The following SGCG variants were observed in gnomAD, a reference collection of about 807,000 sequenced individuals.
The protein encoded by SGCG is sarcoglycan gamma, also known as gamma-sarcoglycan.
A neutral mutation model predicts 29.3 loss-of-function variants in SGCG; 26 were observed. That is an observed-to-expected ratio of 0.89 (90% CI 0.65 to 1.23). The LOEUF (loss-of-function observed/expected upper bound fraction) is 1.23. SGCG is among the 50% of genes most tolerant of loss of function. The pLI, the probability that SGCG is intolerant of heterozygous loss-of-function variation, is 0.00. For missense variants in SGCG, 353 were observed against 356.0 expected, an observed-to-expected ratio of 0.99 and a Z score of 0.07; for synonymous variants, 145 against 129.7, an observed-to-expected ratio of 1.12 and a Z score of -0.80.
intron 5 of SGCG, among the ~76,000 whole-genome samples, chr13:23,290,041 C>G (rs1202462405): frequency 2.0e-5 from 3 of 152,152 alleles, no homozygotes; most frequent in Admixed American, 2.0e-4. Flanking sequence ...GATCTGACAG[C>G]TACAGACTTG....
intron 3 of SGCG, among the ~76,000 whole-genome samples, chr13:23,237,104 A>G (rs1031197527): frequency 6.6e-6 from 1 of 152,142 alleles, no homozygotes. Flanking sequence ...AGCTGAGAGA[A>G]TTTCTTCTTT....
At chr13:23,223,890 C>T (rs1022770735) in intron 2 of SGCG, among the ~76,000 whole-genome samples, 5 of 151,964 alleles carry the variant, frequency 3.3e-5, no homozygotes, top group Non-Finnish European at 7.4e-5. Flanking sequence ...CGCTTGAACC[C>T]GGGAGGTGGA....
At chr13:23,300,838 G>A (rs901459274) in intron 6 of SGCG, among the ~76,000 whole-genome samples, 46 of 148,336 alleles carry the variant, frequency 3.1e-4, no homozygotes, top group Admixed American at 2.7e-4. Flanking sequence ...AAAAAGGGCC[G>A]GGCGCGGTGG....
intron 6 of SGCG, among the ~76,000 whole-genome samples, chr13:23,303,295 CT>C (rs1261431785): frequency 2.0e-5 from 3 of 152,334 alleles, no homozygotes; most frequent in South Asian, 2.1e-4. Context: ...TCTTCTGCCC[CT>C]GATGAAGTAA....
chr13:23,273,219 G>A (rs1880934970), intron 4 of SGCG, among the ~76,000 whole-genome samples: 1 of 147,836 alleles, frequency 6.8e-6, no homozygotes, highest in Non-Finnish European at 1.5e-5. Flanking sequence ...AATTTTCGCT[G>A]TGTTGCCCAG....
At chr13:23,244,674 A>G (rs1438900667) in intron 3 of SGCG, 2 of 152,144 alleles carry the variant, frequency 1.3e-5, no homozygotes, top group East Asian at 3.8e-4. Flanking sequence ...CCTTAACAAT[A>G]TGATTCAGGT....
At chr13:23,165,206 A>G in the SGCG span, among the ~76,000 whole-genome samples, 3 of 152,222 alleles carry the variant, frequency 2.0e-5, no homozygotes, top group Non-Finnish European at 4.4e-5. Context: ...TTTTAATTTC[A>G]TATTTGTAGA....
At chr13:23,243,509 CCT>C (rs1285753742) in intron 3 of SGCG, 2 of 152,204 alleles carry the variant, frequency 1.3e-5, no homozygotes, top group South Asian at 2.1e-4. Flanking sequence ...GCAGGCAACC[CCT>C]GTCGTGGAAA....
chr13:23,195,383 A>G (rs573252824), intron 1 of SGCG, among the ~76,000 whole-genome samples: 33 of 152,338 alleles, frequency 2.2e-4, no homozygotes, highest in African/African-American at 7.5e-4. Flanking sequence ...TAGCTGAAGT[A>G]AAAATCAAAA....
intron 2 of SGCG, among the ~76,000 whole-genome samples, chr13:23,208,924 C>A (rs1274217817): frequency 6.6e-6 from 1 of 151,828 alleles, no homozygotes; most frequent in Non-Finnish European, 1.5e-5. Context: ...TAAAATAAGA[C>A]ATCTTTAATT....
At chr13:23,201,046 A>AG (rs1303127595) in intron 1 of SGCG, among the ~76,000 whole-genome samples, 2 of 152,174 alleles carry the variant, frequency 1.3e-5, no homozygotes, top group African/African-American at 4.8e-5. Flanking sequence ...ATGTTTTGAA[A>AG]GGACCACTCC....
intron 6 of SGCG, among the ~76,000 whole-genome samples, chr13:23,304,829 A>T (rs182099015): frequency 1.7e-4 from 26 of 152,256 alleles, no homozygotes; most frequent in Non-Finnish European, 3.7e-4. Context: ...GGGTTTTGCC[A>T]TGTTGGCCAG....
At chr13:23,298,170 A>G (rs1028111600) in intron 6 of SGCG, among the ~76,000 whole-genome samples, 1 of 151,914 alleles carries the variant, frequency 6.6e-6, no homozygotes, top group South Asian at 2.1e-4. Context: ...ACCCTGGCCA[A>G]TGTGATGAAA....
chr13:23,241,207 C>T (rs1879498698), intron 3 of SGCG, among the ~76,000 whole-genome samples: 1 of 147,662 alleles, frequency 6.8e-6, no homozygotes. Context: ...CCTTAAGAAA[C>T]TAGAAGAAGA....
chr13:23,307,265 C>CTT (rs1273245669), intron 6 of SGCG, among the ~76,000 whole-genome samples: 4 of 152,282 alleles, frequency 2.6e-5, no homozygotes, highest in East Asian at 1.9e-4. Context: ...TCATAGCCAT[C>CTT]TTATCTGAGT....
chr13:23,189,641 T>C (rs1007813283), intron 1 of SGCG, among the ~76,000 whole-genome samples: 2 of 152,208 alleles, frequency 1.3e-5, no homozygotes, highest in Non-Finnish European at 2.9e-5. Flanking sequence ...TTGGTAGGAT[T>C]TCTGGACATG....
intron 5 of SGCG, among the ~76,000 whole-genome samples, chr13:23,281,422 G>A (rs1193296013): frequency 6.6e-6 from 1 of 151,954 alleles, no homozygotes; most frequent in African/African-American, 2.4e-5. Context: ...TGATTCAGCA[G>A]GTCTGAAATG....
intron 6 of SGCG, among the ~76,000 whole-genome samples, chr13:23,318,959 T>C (rs190216514): frequency 4.7e-4 from 72 of 152,268 alleles, no homozygotes; most frequent in African/African-American, 1.4e-3. Flanking sequence ...CTTCCTTCCT[T>C]CCACTCCTCC....
Position 23,234,586 on chromosome 13 carries a change from ATT to A in SGCG, c.196-24_196-23del, listed in dbSNP as rs751384104. 1.6e-5 allele frequency: 23 copies of A among 1,441,674 alleles called. No homozygotes were observed. The South Asian group carries it at 2.3e-4, about 14-fold the overall frequency. 89.3% of individuals were successfully genotyped at this position (1,441,674 alleles called of 1,614,324 possible). On this transcript the variant is annotated intron_variant, in intron 2 of 7. Coordinates refer to ENST00000218867, the MANE Select transcript of SGCG (RefSeq NM_000231.3). The stretch of plus-strand genomic sequence containing the variant: ...AAAAGCAAGCAATAAAAATATACGC[ATT>A]GTCTCTTTTTTTTTTTTAACAGGCA...
Sources: allele counts gnomAD v4.1 joint callset (sites outside exome capture counted in the v4.1 genomes callset), GRCh38; gene constraint gnomAD v4.1.1; transcripts MANE v1.5; gene names NCBI Gene and HGNC (gene_info 2026-07-23, HGNC 2026-07-21).